The following CAMK1D variants were observed in gnomAD, a reference collection of about 807,000 sequenced individuals.
CAMK1D encodes the protein calcium/calmodulin dependent protein kinase ID.
A neutral mutation model predicts 47.7 loss-of-function variants in CAMK1D; 9 were observed. The observed-to-expected ratio is 0.19, with a 90% CI of 0.11 to 0.33. CAMK1D has a LOEUF of 0.33. CAMK1D is among the 10% of genes least tolerant of loss of function. The pLI is 1.00. For synonymous variants in CAMK1D, 184 were observed against 184.9 expected, an observed-to-expected ratio of 0.99 and a Z score of 0.04; for missense variants, 291 against 488.7, an observed-to-expected ratio of 0.60 and a Z score of 3.81.
intron 3 of CAMK1D, 132 bp from the exon 4 acceptor site, chr10:12,760,816 T>C (rs1201044134): frequency 4.4e-6 from 4 of 918,534 alleles, no homozygotes; most frequent in African/African-American, 3.3e-5. Context: ...CTCTGAGGAA[T>C]AGGGGGGCAA....
Position 12,624,515 on chromosome 10 carries a change from C to T in CAMK1D, c.225-42221C>T, listed in dbSNP as rs985822547. Among the ~76,000 whole-genome samples the T allele has an allele frequency of 2.0e-5, 3 of 152,260 alleles. No individual in the cohort carries two copies. In the East Asian group the frequency reaches 5.8e-4, roughly 29 times the overall value. ...TCATGCAGTATTTGTCCTTTTGTGA[C>T]CGGCCCATTTCACTCAGATGATGTC... On this transcript the variant is annotated intron_variant, in intron 2 of 10. Coordinates refer to ENST00000619168, the MANE Select transcript of CAMK1D (RefSeq NM_153498.4).
intron 3 of CAMK1D, among the ~76,000 whole-genome samples, chr10:12,741,389 A>G (rs1356190797): frequency 6.6e-6 from 1 of 152,246 alleles, no homozygotes; most frequent in Non-Finnish European, 1.5e-5. Context: ...CAGGACAGCC[A>G]GAAAGGCACT....
chr10:12,467,927 G>A (rs1462550123), intron 1 of CAMK1D, among the ~76,000 whole-genome samples: 2 of 152,180 alleles, frequency 1.3e-5, no homozygotes, highest in Non-Finnish European at 2.9e-5. Context: ...GAGATAGCCT[G>A]CATACCCTTT....
chr10:12,418,608 T>C (rs925625105), intron 1 of CAMK1D, among the ~76,000 whole-genome samples: 1 of 152,178 alleles, frequency 6.6e-6, no homozygotes, highest in Non-Finnish European at 1.5e-5. Context: ...CTCTCTCTTA[T>C]TTTAAAAAAA....
intron 5 of CAMK1D, 128 bp from the exon 6 acceptor site, chr10:12,791,030 T>C (rs988781445): frequency 1.4e-6 from 1 of 721,826 alleles, no homozygotes; most frequent in Non-Finnish European, 2.4e-6. Context: ...ACACATAAAA[T>C]GGGTTATGTC....
chr10:12,500,358 G>C (rs1834663930), intron 1 of CAMK1D, among the ~76,000 whole-genome samples: 1 of 152,144 alleles, frequency 6.6e-6, no homozygotes, highest in African/African-American at 2.4e-5. Context: ...TCACTTTGGG[G>C]ACCTGTCCAG....
chr10:12,714,805 C>CACAA (rs1169447579), intron 3 of CAMK1D, among the ~76,000 whole-genome samples: 37 of 149,028 alleles, frequency 2.5e-4, no homozygotes, highest in African/African-American at 8.8e-4. Flanking sequence ...CACACACACA[C>CACAA]AATGTCTGAT....
intron 1 of CAMK1D, among the ~76,000 whole-genome samples, chr10:12,426,248 T>C (rs1239429494): frequency 1.3e-5 from 2 of 152,188 alleles, no homozygotes; most frequent in East Asian, 1.9e-4. Flanking sequence ...GGGATATTTT[T>C]TTCCTTTTTC....
intron 1 of CAMK1D, among the ~76,000 whole-genome samples, chr10:12,391,641 A>G (rs903486262): frequency 2.0e-5 from 3 of 152,120 alleles, no homozygotes; most frequent in Admixed American, 6.5e-5. Context: ...AAAACAAAAC[A>G]CCCTAGTCGG....
chr10:12,433,053 G>A (rs367917443), intron 1 of CAMK1D, among the ~76,000 whole-genome samples: 2 of 152,344 alleles, frequency 1.3e-5, no homozygotes, highest in East Asian at 1.9e-4. Flanking sequence ...TTCCGGGCAT[G>A]GGAGCAGGTG....
At chr10:12,548,457 T>A (rs1836470445) in intron 1 of CAMK1D, among the ~76,000 whole-genome samples, 2 of 145,522 alleles carry the variant, frequency 1.4e-5, no homozygotes, top group South Asian at 4.6e-4. Flanking sequence ...CTTTTTTTTT[T>A]TTTTTTTTTT....
chr10:12,360,853 T>C (rs1196250545), intron 1 of CAMK1D, among the ~76,000 whole-genome samples: 3 of 152,132 alleles, frequency 2.0e-5, no homozygotes, highest in African/African-American at 7.2e-5. Context: ...TGTCGCTGCC[T>C]CTCCCATCTT....
chr10:12,735,246 G>A (rs1835129577), intron 3 of CAMK1D, among the ~76,000 whole-genome samples: 1 of 152,212 alleles, frequency 6.6e-6, no homozygotes, highest in Non-Finnish European at 1.5e-5. Flanking sequence ...GGAGGCCGAG[G>A]CGGGCGGATC....
chr10:12,420,365 T>C (rs999398496), intron 1 of CAMK1D, among the ~76,000 whole-genome samples: 2 of 152,262 alleles, frequency 1.3e-5, no homozygotes, highest in Admixed American at 1.3e-4. Context: ...CCACTTCAAA[T>C]GAATGAACTT....
At chr10:12,460,171 T>C (rs992982595) in intron 1 of CAMK1D, among the ~76,000 whole-genome samples, 1 of 152,154 alleles carries the variant, frequency 6.6e-6, no homozygotes, top group African/African-American at 2.4e-5. Flanking sequence ...AAGGAAAAGC[T>C]CCAGGAGTAG....
chr10:12,461,244 TC>T (rs1833413202), intron 1 of CAMK1D, among the ~76,000 whole-genome samples: 1 of 152,218 alleles, frequency 6.6e-6, no homozygotes, highest in South Asian at 2.1e-4. Flanking sequence ...GGATACATGT[TC>T]CGTGCTCTGC....
At chr10:12,679,336 T>G (rs568456116) in intron 3 of CAMK1D, among the ~76,000 whole-genome samples, 1 of 152,312 alleles carries the variant, frequency 6.6e-6, no homozygotes, top group African/African-American at 2.4e-5. Flanking sequence ...AACTATCCGT[T>G]TATTTACTTA....
At chr10:12,638,995 G>C (rs1265317279) in intron 2 of CAMK1D, among the ~76,000 whole-genome samples, 1 of 152,158 alleles carries the variant, frequency 6.6e-6, no homozygotes, top group Non-Finnish European at 1.5e-5. Context: ...TCTTCGTGAG[G>C]GCGGGAACCT....
At chr10:12,437,135 G>A (rs1477880403) in intron 1 of CAMK1D, among the ~76,000 whole-genome samples, 3 of 34,512 alleles carry the variant, frequency 8.7e-5, no homozygotes, top group Non-Finnish European at 1.1e-4. Flanking sequence ...TAAACAGACC[G>A]ACTATCTATC....
Sources: gnomAD v4.1 joint callset for allele counts (sites outside exome capture counted in the v4.1 genomes callset) on GRCh38, gnomAD v4.1.1 for gene constraint, MANE v1.5 for transcripts, NCBI Gene and HGNC (gene_info 2026-07-23, HGNC 2026-07-21) for gene names.